Variants in SLC39A11 observed in about 807,000 individuals in gnomAD.
The protein encoded by SLC39A11 is solute carrier family 39 member 11, also known as zinc transporter ZIP11.
In SLC39A11, 33 loss-of-function variants were observed where a neutral mutation model predicts 36.1. The ratio of observed to expected loss-of-function variants is 0.91; its 90% CI spans 0.69 to 1.22. The LOEUF is 1.22. SLC39A11 is among the 50% of genes most tolerant of loss of function. The pLI, the probability that SLC39A11 is intolerant of heterozygous loss-of-function variation, is 0.00. For synonymous variants in SLC39A11, 166 were observed against 170.3 expected, an observed-to-expected ratio of 0.97 and a Z score of 0.20; for missense variants, 432 against 430.3, an observed-to-expected ratio of 1.00 and a Z score of -0.03.
intron 6 of SLC39A11, among the ~76,000 whole-genome samples, chr17:72,843,714 C>A (rs2145900852): frequency 6.6e-6 from 1 of 152,282 alleles, no homozygotes; most frequent in Non-Finnish European, 1.5e-5. Context: ...TTTGTAATGG[C>A]AGCCTGAACA....
rs57284292 is a variant in SLC39A11, at chr17:73,081,632, TACACACACACACACAC to T, written c.147+3160_147+3175del. On this transcript the variant is annotated intron_variant, in intron 3 of 9. Transcript: ENST00000255559. ...TGTGATATATATATATATATATACA[TACACACACACACACAC>T]ACACACACACACACACACACACATA... Among the ~76,000 whole-genome samples, 503 of 110,644 alleles carry T rather than the reference TACACACACACACACAC, an allele frequency of 4.5e-3. 5 individuals are homozygous for T. Among genetic ancestry groups the T allele is most frequent in the African/African-American group, 0.016 (485 of 30,162 alleles). 72.6% of individuals were successfully genotyped at this position (110,644 alleles called of 152,430 possible). A position where few individuals can be genotyped will look rare whatever the true frequency, so the allele number is the denominator to read the frequency against.
chr17:72,829,949 G>A (rs1439619180), intron 6 of SLC39A11, among the ~76,000 whole-genome samples: 2 of 151,908 alleles, frequency 1.3e-5, no homozygotes, highest in Non-Finnish European at 2.9e-5. Flanking sequence ...GGAGGGGATC[G>A]GTGCAGAGTC....
intron 3 of SLC39A11, among the ~76,000 whole-genome samples, chr17:73,081,664 C>T (rs9905212): frequency 0.62 from 75,344 of 121,662 alleles, 23,980 homozygotes; most frequent in East Asian, 0.76. Context: ...CACACACACA[C>T]ACACACATAT....
At chr17:72,848,735 A>G (rs913673395) in intron 6 of SLC39A11, among the ~76,000 whole-genome samples, 1 of 151,350 alleles carries the variant, frequency 6.6e-6, no homozygotes, top group East Asian at 1.9e-4. Context: ...AAAAAAAAAG[A>G]CATAAAAGAA....
intron 6 of SLC39A11, among the ~76,000 whole-genome samples, chr17:72,764,441 A>G (rs1442583362): frequency 6.6e-6 from 1 of 152,128 alleles, no homozygotes; most frequent in African/African-American, 2.4e-5. Context: ...CAGAATAATA[A>G]CTGAAGTGGC....
At chr17:72,805,895 C>T (rs1183381092) in intron 6 of SLC39A11, among the ~76,000 whole-genome samples, 4 of 151,972 alleles carry the variant, frequency 2.6e-5, no homozygotes, top group Admixed American at 2.0e-4. Context: ...ACTACAGGCA[C>T]CTGCCACCAT....
chr17:72,901,481 T>C (rs2082392464), intron 5 of SLC39A11, among the ~76,000 whole-genome samples: 1 of 152,068 alleles, frequency 6.6e-6, no homozygotes, highest in Admixed American at 6.6e-5. Context: ...GAGATTTGGG[T>C]ACGGTACAGA....
chr17:72,695,920 T>G (rs1230177411), intron 7 of SLC39A11, among the ~76,000 whole-genome samples: 1 of 152,212 alleles, frequency 6.6e-6, no homozygotes, highest in Non-Finnish European at 1.5e-5. Context: ...TTCCAACTTC[T>G]GTCCTTGGGA....
At chr17:72,949,143 G>GTTTT (rs1568004786) in intron 4 of SLC39A11, among the ~76,000 whole-genome samples, 1 of 52,548 alleles carries the variant, frequency 1.9e-5, no homozygotes, top group Non-Finnish European at 4.8e-5. Context: ...ACACTGGGCA[G>GTTTT]CTTTTTTTTT....
intron 3 of SLC39A11, among the ~76,000 whole-genome samples, chr17:73,054,047 G>T (rs2059590005): frequency 6.6e-6 from 1 of 152,104 alleles, no homozygotes; most frequent in Non-Finnish European, 1.5e-5. Flanking sequence ...AAGCTGAGCT[G>T]AGAGGCAGCC....
At chr17:72,869,179 T>C (rs1363512507) in intron 5 of SLC39A11, among the ~76,000 whole-genome samples, 5 of 152,206 alleles carry the variant, frequency 3.3e-5, no homozygotes, top group Non-Finnish European at 7.4e-5. Flanking sequence ...CATGTTGTCC[T>C]TCCCAAGTGG....
intron 4 of SLC39A11, among the ~76,000 whole-genome samples, chr17:73,012,782 A>C (rs11655816): frequency 0.044 from 6,644 of 151,760 alleles, 192 homozygotes; most frequent in East Asian, 0.074. Context: ...TTATTTATTT[A>C]TTTATTTAGA....
In SLC39A11 at chr17:73,046,968, C is replaced by A. The variant is rs143276607; in HGVS notation, c.148-15254G>T. Among the ~76,000 whole-genome samples the A allele has an allele frequency of 5.9e-5, 9 of 151,798 alleles. No individual in the cohort carries two copies. The East Asian group carries it at 1.7e-3, about 29-fold the overall frequency. On this transcript the variant is annotated intron_variant, in intron 3 of 9. Transcript: ENST00000255559. ...AAAGACAAAAACAAAAAATAAAAAA[C>A]GAAAGGTAATGTAGCCTAGTAGAAA...
intron 6 of SLC39A11, among the ~76,000 whole-genome samples, chr17:72,771,057 CT>C (rs4036978): frequency 0.027 from 3,883 of 144,974 alleles, 45 homozygotes; most frequent in African/African-American, 0.03. Flanking sequence ...CATTTCTATA[CT>C]TTTTTTTTTT....
chr17:72,743,713 A>C (rs2074813843), intron 6 of SLC39A11, among the ~76,000 whole-genome samples: 1 of 152,182 alleles, frequency 6.6e-6, no homozygotes, highest in Non-Finnish European at 1.5e-5. Context: ...TCAGGCCGAC[A>C]CTGAAGATCA....
chr17:72,651,672 G>A (rs532638894), intron 7 of SLC39A11, among the ~76,000 whole-genome samples: 5 of 152,286 alleles, frequency 3.3e-5, no homozygotes, highest in Non-Finnish European at 5.9e-5. Context: ...TGTGAAGAGG[G>A]ACAAAGCAGC....
chr17:72,715,531 T>C (rs961437128), intron 7 of SLC39A11, among the ~76,000 whole-genome samples: 6 of 152,092 alleles, frequency 3.9e-5, no homozygotes, highest in East Asian at 1.9e-4. Flanking sequence ...CTAAGTGAAA[T>C]AGGACGGACA....
intron 6 of SLC39A11, among the ~76,000 whole-genome samples, chr17:72,813,325 C>A (rs921732846): frequency 1.3e-5 from 2 of 152,106 alleles, no homozygotes; most frequent in Admixed American, 6.6e-5. Context: ...GTAATAAAAC[C>A]GAATTTGTTT....
chr17:73,039,231 T>G (rs1462097111), intron 3 of SLC39A11, among the ~76,000 whole-genome samples: 1 of 152,142 alleles, frequency 6.6e-6, no homozygotes, highest in Non-Finnish European at 1.5e-5. Flanking sequence ...GGGTCAGTGC[T>G]GTTTTGGATT....
Sources: allele counts gnomAD v4.1 joint callset (sites outside exome capture counted in the v4.1 genomes callset), GRCh38; gene constraint gnomAD v4.1.1; transcripts MANE v1.5; gene names NCBI Gene and HGNC (gene_info 2026-07-23, HGNC 2026-07-21).